The following ZFR variants were observed in gnomAD, a reference collection of about 807,000 sequenced individuals.
The protein encoded by ZFR is zinc finger RNA-binding protein.
ZFR carries 19 observed loss-of-function variants against 130.7 expected under a neutral mutation model. The observed-to-expected ratio is 0.15, with a 90% confidence interval of 0.10 to 0.21. ZFR has a LOEUF of 0.21. Ranked by LOEUF, ZFR falls within the 10% of genes least tolerant of loss-of-function variation. ZFR has a pLI of 1.00. For synonymous variants in ZFR, 466 were observed against 456.9 expected (o/e 1.02, Z -0.25); for missense variants, 872 against 1,321.5 (o/e 0.66, Z 5.27).
chr5:32,417,658 G>A lies in ZFR; in HGVS notation c.555C>T (p.Tyr185=), dbSNP rs1204362609. Residue 185 remains tyrosine, a synonymous_variant, in exon 4 of 20, where the codon TAC becomes TAT. Transcript: ENST00000265069. The stretch of plus-strand genomic sequence containing the variant: ...GTTAAGAAAACCCACCTGTCTGATA[G>A]TAAGTTTCAGCAACAGAAGGCTGAG... ...AQPQPSVAET[Y]YQTAPKAGYS... The A allele has an allele frequency of 1.2e-6, 2 of 1,613,298 alleles. No homozygotes were observed. Among genetic ancestry groups the A allele is most frequent in the East Asian group, 2.2e-5 (1 of 44,886 alleles).
chr5:32,361,621 T>C (rs1752432832), intron 19 of ZFR, among the ~76,000 whole-genome samples: 1 of 149,114 alleles, frequency 6.7e-6, no homozygotes, highest in Non-Finnish European at 1.5e-5. Flanking sequence ...GCCTATTCTT[T>C]TTTTTTTTTT....
At chr5:32,407,236 G>T (rs1267959935) in intron 5 of ZFR, among the ~76,000 whole-genome samples, 5 of 151,712 alleles carry the variant, frequency 3.3e-5, no homozygotes, top group Non-Finnish European at 1.5e-5. Flanking sequence ...TGTTATAGAG[G>T]TATAAAGACA....
chr5:32,397,849 C>CTTTTTTTTTTTTT (rs70961626), intron 9 of ZFR, among the ~76,000 whole-genome samples: 20 of 66,878 alleles, frequency 3.0e-4, no homozygotes, highest in African/African-American at 9.4e-4. Context: ...GCTCTTGTAT[C>CTTTTTTTTTTTTT]TTTTTTTTTT....
chr5:32,420,150 A>G, intron 2 of ZFR, 47 bp from the exon 3 acceptor site: 2 of 1,399,884 alleles, frequency 1.4e-6, no homozygotes, highest in Non-Finnish European at 1.9e-6. Context: ...TTTAATATCC[A>G]GGAGTTAACC....
intron 4 of ZFR, among the ~76,000 whole-genome samples, chr5:32,416,925 T>A (rs1288117627): frequency 1.4e-5 from 2 of 147,592 alleles, no homozygotes; most frequent in Non-Finnish European, 3.0e-5. Context: ...TTTTTTTTTT[T>A]ATTATACTTT....
rs765486856 is a variant in ZFR at position 32,403,236 on chromosome 5, T to C, written c.1386A>G (p.Ala462=). The part of the protein sequence containing the change: ...NNCTVNTSSV[A]TSSMKGLTTT... ...TCGTAAGACCCTTCATTGAAGACGT[T>C]GCAACTGATGACGTATTCACAGTAC... The change falls in exon 8 of 20, where the codon GCA becomes GCG. Residue 462 remains alanine (A), a synonymous_variant. Coordinates refer to ENST00000265069, the MANE Select transcript of ZFR (RefSeq NM_016107.5). 1.5e-5 allele frequency: 25 copies of C among 1,614,100 alleles called. No homozygotes were observed. Among genetic ancestry groups the C allele is most frequent in the Admixed American group, 5.0e-5 (3 of 59,996 alleles).
intron 8 of ZFR, 55 bp from the exon 9 acceptor site, chr5:32,400,258 C>T (rs988408319): frequency 2.4e-6 from 3 of 1,274,464 alleles, no homozygotes; most frequent in Non-Finnish European, 3.1e-6. Flanking sequence ...AATATATATA[C>T]CTGATAAGAC....
chr5:32,360,072 G>C (rs1210697925), intron 19 of ZFR, among the ~76,000 whole-genome samples: 1 of 151,984 alleles, frequency 6.6e-6, no homozygotes, highest in African/African-American at 2.4e-5. Context: ...TTAAAATCTT[G>C]AAACTAGGGG....
Position 32,410,298 on chromosome 5 carries a change from A to AAT in ZFR, c.785-3278_785-3277insAT, listed in dbSNP as rs1238374158. 1.1e-4 allele frequency among the ~76,000 whole-genome samples: 6 copies of AAT among 54,960 alleles called. No homozygotes were observed. In the South Asian group the frequency reaches 2.3e-3, roughly 21 times the overall value. The allele number at this position is 54,960 out of a possible 152,430, so 36.1% of individuals were successfully genotyped here. A position where few individuals can be genotyped will look rare whatever the true frequency, so the allele number is the denominator to read the frequency against. On this transcript the variant is annotated intron_variant, in intron 5 of 19. Transcript: ENST00000265069. ...ACACTGTCTCCAAAAAAAAAAAAAA[A>AAT]AAAAAAAAAAATGTACTTTCATTAT...
intron 11 of ZFR, among the ~76,000 whole-genome samples, chr5:32,393,407 G>A (rs1753225224): frequency 6.6e-6 from 1 of 150,808 alleles, no homozygotes; most frequent in Non-Finnish European, 1.5e-5. Context: ...ATAATGGCGC[G>A]ATCTCGCCTC....
chr5:32,397,293 A>G lies in ZFR; in HGVS notation c.1759T>C (p.Cys587Arg). The G allele has an allele frequency of 1.2e-6, 2 of 1,613,558 alleles. No individual in the cohort carries two copies. Among genetic ancestry groups the G allele is most frequent in the Non-Finnish European group, 1.7e-6 (2 of 1,179,770 alleles). Residue 587 changes from cysteine (C) to arginine (R), a missense_variant, in exon 10 of 20, where the codon TGC (cysteine) becomes CGC (arginine). Physicochemically the swap from Cys to Arg is radical, Grantham distance 180 (BLOSUM62 -3). Transcript: ENST00000265069. ...TTGGGATCATTAAAGCTGCACTCGC[A>G]TAATTTACAATGGAACCGAATTACT... ...GKVIRFHCKLCECSFNDPNAK... is the reference protein window; with the variant it reads ...GKVIRFHCKLRECSFNDPNAK...
chr5:32,397,618 G>A (rs562676971), intron 9 of ZFR, among the ~76,000 whole-genome samples: 3 of 151,752 alleles, frequency 2.0e-5, no homozygotes, highest in African/African-American at 4.8e-5. Context: ...CACCACGACC[G>A]GCTAATTTGT....
intron 2 of ZFR, among the ~76,000 whole-genome samples, chr5:32,437,772 A>G (rs1754373166): frequency 1.3e-5 from 2 of 152,142 alleles, no homozygotes; most frequent in South Asian, 4.1e-4. Context: ...AACTGCTTAT[A>G]TAAGCATGTC....
Position 32,403,186 on chromosome 5 carries a change from C to T in ZFR, c.1436G>A (p.Ser479Asn). The T allele has an allele frequency of 6.2e-7, 1 of 1,614,180 alleles. No homozygotes were observed. Among genetic ancestry groups the T allele is most frequent in the Non-Finnish European group, 8.5e-7 (1 of 1,180,018 alleles). Residue 479 changes from serine to asparagine, a missense_variant, in exon 8 of 20, where the codon AGC becomes AAC. Coordinates refer to ENST00000265069, the MANE Select transcript of ZFR (RefSeq NM_016107.5). ...LTTTGNSSLNSTSNTKVSAVP... is the reference protein window; with the variant it reads ...LTTTGNSSLNNTSNTKVSAVP... ...TGCTGATACTTTAGTGTTAGATGTGCTATTAAGAGACGAGTTTCCTGTAGT... is the reference window on the plus strand; with the variant it reads ...TGCTGATACTTTAGTGTTAGATGTGTTATTAAGAGACGAGTTTCCTGTAGT...
chr5:32,371,799 T>A (rs1204311813), intron 17 of ZFR, among the ~76,000 whole-genome samples: 1 of 151,792 alleles, frequency 6.6e-6, no homozygotes, highest in Non-Finnish European at 1.5e-5. Flanking sequence ...AATAAATGCA[T>A]TTGGCTAAAA....
chr5:32,421,544 G>GT (rs1753957900), intron 2 of ZFR, among the ~76,000 whole-genome samples: 1 of 152,052 alleles, frequency 6.6e-6, no homozygotes, highest in Non-Finnish European at 1.5e-5. Flanking sequence ...AGAGATATGG[G>GT]TTTTAATTTC....
chr5:32,417,327 G>T (rs1188032669), intron 4 of ZFR, among the ~76,000 whole-genome samples: 1 of 152,148 alleles, frequency 6.6e-6, no homozygotes, highest in Non-Finnish European at 1.5e-5. Flanking sequence ...AAGGCTGTTT[G>T]TTGGCAGTAT....
intron 2 of ZFR, among the ~76,000 whole-genome samples, chr5:32,424,243 T>C (rs1334640780): frequency 6.6e-6 from 1 of 151,722 alleles, no homozygotes; most frequent in African/African-American, 2.4e-5. Context: ...AATGACAACA[T>C]GATTAAGAAA....
At chr5:32,416,501 C>A (rs1357648618) in intron 4 of ZFR, among the ~76,000 whole-genome samples, 1 of 151,750 alleles carries the variant, frequency 6.6e-6, no homozygotes, top group Non-Finnish European at 1.5e-5. Flanking sequence ...GTAATCCCAG[C>A]TACTTGAGAG....
Sources: allele counts gnomAD v4.1 joint callset (sites outside exome capture counted in the v4.1 genomes callset), GRCh38; gene constraint gnomAD v4.1.1; transcripts MANE v1.5; gene names NCBI Gene and HGNC (gene_info 2026-07-23, HGNC 2026-07-21).